The following MYO1H variants were observed in gnomAD, a reference collection of about 807,000 sequenced individuals.
MYO1H encodes unconventional myosin-Ih.
A neutral mutation model predicts 149.3 loss-of-function variants in MYO1H; 118 were observed. The ratio of observed to expected loss-of-function variants is 0.79; its 90% CI spans 0.68 to 0.92. The LOEUF (loss-of-function observed/expected upper bound fraction) is 0.92. Ranked by LOEUF, MYO1H falls within the 40% of genes least tolerant of loss-of-function variation. The pLI, the probability that MYO1H is intolerant of heterozygous loss-of-function variation, is 0.00. For synonymous variants in MYO1H, 447 were observed against 465.2 expected (o/e 0.96, Z 0.50); for missense variants, 1,212 against 1,280.7 (o/e 0.95, Z 0.82).
chr12:109,414,198 A>C (rs1459022266), intron 14 of MYO1H, among the ~76,000 whole-genome samples: 1 of 152,166 alleles, frequency 6.6e-6, no homozygotes, highest in Non-Finnish European at 1.5e-5. Context: ...GAATCTGGCC[A>C]GACACAGTGG....
intron 1 of MYO1H, among the ~76,000 whole-genome samples, chr12:109,348,268 T>C (rs1434200490): frequency 1.3e-5 from 2 of 152,236 alleles, no homozygotes; most frequent in East Asian, 3.8e-4. Context: ...AAATGGTCTC[T>C]GTTAGCACTG....
Position 109,443,194 on chromosome 12 carries a change from A to ATGTGTGTATATATGTGTACG in MYO1H, c.2689-319_2689-318insGTGTGTATATATGTGTACGT, listed in dbSNP as rs1320129107. Among the ~76,000 whole-genome samples, 2 of 110,076 alleles carry ATGTGTGTATATATGTGTACG rather than the reference A, an allele frequency of 1.8e-5. 1 individual carries two copies. Among genetic ancestry groups the ATGTGTGTATATATGTGTACG allele is most frequent in the African/African-American group, 1.0e-4 (2 of 19,248 alleles). The allele number at this position is 110,076 out of a possible 152,430, so 72.2% of individuals were successfully genotyped here. ...TACGTATGTGTGTATATGTGTACGT[A>ATGTGTGTATATATGTGTACG]TATGTGTGTATATGTGTACGTATAT... is the stretch of plus-strand genomic sequence containing the variant. On this transcript the variant is annotated intron_variant, in intron 27 of 31. Coordinates refer to ENST00000310903, the Ensembl canonical transcript of MYO1H.
chr12:109,431,418 G>C (rs1257414083), intron 19 of MYO1H, among the ~76,000 whole-genome samples: 1 of 151,988 alleles, frequency 6.6e-6, no homozygotes, highest in Non-Finnish European at 1.5e-5. Context: ...TAATAAGAAA[G>C]GAAGGAGCAT....
At chr12:109,428,159 C>T (rs1871457059) in intron 19 of MYO1H, among the ~76,000 whole-genome samples, 1 of 151,316 alleles carries the variant, frequency 6.6e-6, no homozygotes, top group African/African-American at 2.4e-5. Flanking sequence ...TTTCACTAAT[C>T]CCTGACTGTT....
Position 109,364,171 on chromosome 12 carries a change from TAAA to T in MYO1H, c.12+16224_12+16226del, listed in dbSNP as rs746308903. On this transcript the variant is annotated intron_variant, in intron 1 of 31. Coordinates refer to ENST00000310903, the Ensembl canonical transcript of MYO1H. ...GGGCAACAGAGAGAGACCATGTCTT[TAAA>T]AAAAAAAAAAAAAAAAAAAAAAAAG... Among the ~76,000 whole-genome samples, 32 of 90,260 alleles carry T rather than the reference TAAA, an allele frequency of 3.5e-4. 1 individual carries two copies. Among genetic ancestry groups the T allele is most frequent in the African/African-American group, 1.2e-3 (29 of 25,042 alleles). 59.2% of individuals were successfully genotyped at this position (90,260 alleles called of 152,430 possible).
chr12:109,439,124 G>A (rs1170968266), intron 23 of MYO1H, among the ~76,000 whole-genome samples: 1 of 152,156 alleles, frequency 6.6e-6, no homozygotes, highest in African/African-American at 2.4e-5. Flanking sequence ...GCCCAGGCTG[G>A]AGTACAATGG....
chr12:109,329,686 A>C, the MYO1H span, among the ~76,000 whole-genome samples: 7 of 152,116 alleles, frequency 4.6e-5, no homozygotes, highest in Non-Finnish European at 1.0e-4. Context: ...TTTTCCTTTC[A>C]CTTATTCAAC....
chr12:109,442,253 T>C, exon 27 of MYO1H: 41 of 1,613,930 alleles, frequency 2.5e-5, no homozygotes, highest in Non-Finnish European at 3.5e-5. Flanking sequence ...CTTCAGCTAA[T>C]TAGCCATGAG....
chr12:109,396,005 G>A (rs974705334), intron 3 of MYO1H, among the ~76,000 whole-genome samples: 19 of 151,970 alleles, frequency 1.3e-4, no homozygotes, highest in African/African-American at 4.6e-4. Context: ...TGCAACTTCT[G>A]CCTCCCGGGT....
intron 6 of MYO1H, chr12:109,401,597 C>G: frequency 4.6e-6 from 1 of 219,714 alleles, no homozygotes. Context: ...CTGGGTAGGA[C>G]CTGGGCATCA....
chr12:109,441,731 G>A (rs767540049), intron 26 of MYO1H, 23 bp downstream of exon 26: 1 of 1,549,422 alleles, frequency 6.5e-7, no homozygotes, highest in South Asian at 1.2e-5. Flanking sequence ...TCCAGCCTAT[G>A]TACTTGGCTT....
At chr12:109,371,977 A>G (rs1292604225) in intron 1 of MYO1H, among the ~76,000 whole-genome samples, 2 of 152,102 alleles carry the variant, frequency 1.3e-5, no homozygotes, top group Non-Finnish European at 2.9e-5. Context: ...TACATCCTTC[A>G]TTTTTGGTGT....
At chr12:109,400,971 A>C in intron 5 of MYO1H, 122 bp from the exon 6 acceptor site, 1 of 891,996 alleles carries the variant, frequency 1.1e-6, no homozygotes, top group Non-Finnish European at 1.6e-6. Flanking sequence ...ATGTCCAAAA[A>C]AAAGAAAGAA....
At chr12:109,361,813 C>CAAAAAA (rs35915417) in intron 1 of MYO1H, among the ~76,000 whole-genome samples, 5 of 56,818 alleles carry the variant, frequency 8.8e-5, no homozygotes, top group African/African-American at 3.4e-4. Flanking sequence ...CCTTGTCTCA[C>CAAAAAA]AAAAAAAAAA....
intron 1 of MYO1H, among the ~76,000 whole-genome samples, chr12:109,360,458 G>GTC (rs980542863): frequency 8.6e-5 from 13 of 151,486 alleles, no homozygotes; most frequent in East Asian, 5.8e-4. Flanking sequence ...CTCTGTCTCT[G>GTC]TCTCTCTCTC....
intron 15 of MYO1H, among the ~76,000 whole-genome samples, chr12:109,416,759 G>C (rs897691324): frequency 2.6e-5 from 4 of 152,152 alleles, no homozygotes; most frequent in Non-Finnish European, 5.9e-5. Flanking sequence ...AAGCCAAGGG[G>C]AGCAGATCAC....
chr12:109,319,842 C>T, the MYO1H span, among the ~76,000 whole-genome samples: 9 of 152,220 alleles, frequency 5.9e-5, no homozygotes, highest in African/African-American at 1.9e-4. Context: ...GATAAATGTT[C>T]CTTGGGGCTC....
At chr12:109,437,908 C>T (rs1309475602) in intron 22 of MYO1H, among the ~76,000 whole-genome samples, 1 of 151,040 alleles carries the variant, frequency 6.6e-6, no homozygotes, top group Non-Finnish European at 1.5e-5. Context: ...CCCAACATGG[C>T]GAAACCCCGT....
chr12:109,446,759 A>G (rs1464099085), intron 31 of MYO1H, among the ~76,000 whole-genome samples: 6 of 152,360 alleles, frequency 3.9e-5, no homozygotes, highest in Admixed American at 1.3e-4. Context: ...GTGAGACTCC[A>G]TCTCAAAAAA....
Sources: gnomAD v4.1 joint callset for allele counts (sites outside exome capture counted in the v4.1 genomes callset) on GRCh38, gnomAD v4.1.1 for gene constraint, MANE v1.5 for transcripts, NCBI Gene and HGNC (gene_info 2026-07-23, HGNC 2026-07-21) for gene names.